Variants in BID observed in about 807,000 individuals in gnomAD.
The protein encoded by BID is BH3 interacting domain death agonist.
BID carries 19 observed loss-of-function variants against 17.4 expected under a neutral mutation model. The observed-to-expected ratio is 1.09, with a 90% confidence interval of 0.76 to 1.60. The LOEUF (loss-of-function observed/expected upper bound fraction) is 1.60. Among genes scored for constraint, BID ranks in the 40% most tolerant of loss-of-function variants. The probability of loss-of-function intolerance (pLI) is 0.00; values close to 1 mark genes in which losing one functional copy is unlikely to be tolerated. For synonymous variants in BID, 108 were observed against 102.8 expected (o/e 1.05, Z -0.31); for missense variants, 226 against 256.0 (o/e 0.88, Z 0.80).
chr22:17,744,289 C>T (rs545703573), intron 2 of BID, among the ~76,000 whole-genome samples: 30 of 152,276 alleles, frequency 2.0e-4, no homozygotes, highest in African/African-American at 7.2e-4. Context: ...TCCTGAAACA[C>T]GCGGCTGGGG....
intron 1 of BID, among the ~76,000 whole-genome samples, chr22:17,751,055 C>T (rs547093222): frequency 2.0e-5 from 3 of 151,480 alleles, no homozygotes; most frequent in Admixed American, 6.6e-5. Flanking sequence ...AAGATCTGTG[C>T]GGCATCAGTA....
At chr22:17,756,476 T>TC (rs1555906134) in intron 1 of BID, among the ~76,000 whole-genome samples, 1 of 103,798 alleles carries the variant, frequency 9.6e-6, no homozygotes, top group South Asian at 2.5e-4. Flanking sequence ...TCTTTCTTTC[T>TC]TTTCTTTCTT....
At chr22:17,755,890 C>T (rs1049208115) in intron 1 of BID, among the ~76,000 whole-genome samples, 10 of 151,964 alleles carry the variant, frequency 6.6e-5, no homozygotes, top group African/African-American at 2.2e-4. Flanking sequence ...TTTTCTGAGA[C>T]GGAGTCTCAC....
In BID at chr22:17,773,576, C is replaced by A; in HGVS notation, c.-59+805G>T. ...CCCTGCCTGCAGGTGAAGGCCGGTCCAGCCGCAGAAGGCCCAGCCCCCAGC... is the reference window on the plus strand; with the variant it reads ...CCCTGCCTGCAGGTGAAGGCCGGTCAAGCCGCAGAAGGCCCAGCCCCCAGC... On this transcript the variant is annotated intron_variant, in intron 1 of 5. Transcript: ENST00000622694. The surrounding 1 kb of genome is among the most constrained non-coding windows in gnomAD (Gnocchi z 4.4). The A allele has an allele frequency of 6.2e-7, 1 of 1,610,472 alleles. No homozygotes were observed.
intron 1 of BID, among the ~76,000 whole-genome samples, chr22:17,771,821 G>A (rs753182640): frequency 3.4e-5 from 5 of 148,426 alleles, no homozygotes; most frequent in Non-Finnish European, 4.4e-5. Flanking sequence ...ACCCCACTGC[G>A]AGGTTTCTGA....
intron 2 of BID, among the ~76,000 whole-genome samples, chr22:17,745,285 G>A (rs372689179): frequency 6.6e-6 from 1 of 152,006 alleles, no homozygotes; most frequent in African/African-American, 2.4e-5. Flanking sequence ...TCCTGACCTC[G>A]TGATCCGCCC....
chr22:17,751,982 G>A (rs960318446), intron 1 of BID, among the ~76,000 whole-genome samples: 4 of 152,198 alleles, frequency 2.6e-5, no homozygotes, highest in African/African-American at 7.2e-5. Flanking sequence ...CCACAGAACA[G>A]TGGACCAGAC....
In BID at chr22:17,769,100, G is replaced by GCTTT. The variant is rs1455702106; in HGVS notation, c.-59+5277_-59+5280dup. Among the ~76,000 whole-genome samples the GCTTT allele has an allele frequency of 6.6e-6, 1 of 152,092 alleles. No individual in the cohort carries two copies. The highest frequency in any genetic ancestry group is 1.5e-5 in the Non-Finnish European group (1 of 68,006). ...AATAACTAAATAAATAAAGAACAAG[G>GCTTT]CTTTCACCACATCCCAGGCAGAGTC... On this transcript the variant is annotated intron_variant, in intron 1 of 5. Coordinates refer to ENST00000622694, the MANE Select transcript of BID (RefSeq NM_001196.4). This position sits in a 1 kb window ranked among gnomAD's most constrained non-coding sequence, Gnocchi z 4.8.
At chr22:17,739,791 G>A (rs181391) in intron 3 of BID, 394,861 of 577,308 alleles carry the variant, frequency 0.68, 137,134 homozygotes, top group East Asian at 0.95. Context: ...TGAGGTACAA[G>A]CCTGGCAGCG....
At chr22:17,757,311 A>C (rs2061598409) in intron 1 of BID, among the ~76,000 whole-genome samples, 1 of 148,924 alleles carries the variant, frequency 6.7e-6, no homozygotes, top group Admixed American at 6.8e-5. Flanking sequence ...GCTACTGGGG[A>C]AGGATTGCTT....
At chr22:17,767,382 C>A (rs1732964861) in intron 1 of BID, among the ~76,000 whole-genome samples, 1 of 152,126 alleles carries the variant, frequency 6.6e-6, no homozygotes, top group Non-Finnish European at 1.5e-5. Flanking sequence ...TACCCAATGA[C>A]TCAAAAAAAG....
In BID at chr22:17,734,788, C is replaced by G. The variant is rs1265149038; in HGVS notation, c.*792G>C. On this transcript the variant is annotated 3_prime_UTR_variant, in exon 6 of 6. Transcript: ENST00000622694. ...GCTTCTGGCACCCGTGGCTTCATGT[C>G]TTTAGCAAAGTCTTGATGTCATGGA... 1 of 152,194 alleles carries G rather than the reference C, an allele frequency of 6.6e-6. No homozygotes were observed. The highest frequency in any genetic ancestry group is 1.9e-4 in the East Asian group (1 of 5,200). The allele number at this position is 152,194 out of a possible 1,614,324, so 9.4% of individuals were successfully genotyped here. A position where few individuals can be genotyped will look rare whatever the true frequency, so the allele number is the denominator to read the frequency against.
intron 5 of BID, among the ~76,000 whole-genome samples, chr22:17,736,773 G>A (rs1311907592): frequency 6.6e-6 from 1 of 151,852 alleles, no homozygotes. Flanking sequence ...CTCCATGACG[G>A]CGTGAACTAC....
chr22:17,766,665 C>A (rs2061681194), intron 1 of BID, among the ~76,000 whole-genome samples: 1 of 151,950 alleles, frequency 6.6e-6, no homozygotes, highest in African/African-American at 2.4e-5. Flanking sequence ...TCTCTGCTCA[C>A]TGCAACCTCC....
At chr22:17,741,551 G>A (rs2145877177) in intron 3 of BID, among the ~76,000 whole-genome samples, 1 of 150,596 alleles carries the variant, frequency 6.6e-6, no homozygotes, top group South Asian at 2.1e-4. Flanking sequence ...TCAGCTCACT[G>A]CAACCTCCGC....
At chr22:17,739,025 C>T (rs1375515860) in intron 4 of BID, among the ~76,000 whole-genome samples, 1 of 152,192 alleles carries the variant, frequency 6.6e-6, no homozygotes, top group Non-Finnish European at 1.5e-5. Flanking sequence ...TTACGGTTCT[C>T]ACTGGCACCA....
At position 17,735,353 on chromosome 22, in the gene BID, C is replaced by T; in HGVS notation, c.*227G>A. On this transcript the variant is annotated 3_prime_UTR_variant, in exon 6 of 6. Transcript: ENST00000622694. ...GATTCATGTGTGGATGATATGAAGG[C>T]CATTCAAATACGTGTAAATGGACAT... The T allele has an allele frequency of 3.5e-6, 2 of 564,418 alleles. No homozygotes were observed. Among genetic ancestry groups the T allele is most frequent in the Non-Finnish European group, 6.3e-6 (2 of 319,082 alleles). 35.0% of individuals were successfully genotyped at this position (564,418 alleles called of 1,614,324 possible).
chr22:17,756,420 CTTTCTTTCTTTCT>C (rs1198098927), intron 1 of BID, among the ~76,000 whole-genome samples: 64,259 of 126,650 alleles, frequency 0.51, 17,426 homozygotes, highest in East Asian at 0.84. Flanking sequence ...CTCTTTCTTT[CTTTCTTTCTTTCT>C]TCTTTCTTTC....
At chr22:17,738,330 T>G in intron 4 of BID, 101 bp from the exon 5 acceptor site, 1 of 1,091,536 alleles carries the variant, frequency 9.2e-7, no homozygotes, top group Non-Finnish European at 1.3e-6. Flanking sequence ...ACTTATTAAG[T>G]ATCCAGGGCT....
Sources: gnomAD v4.1 joint callset for allele counts (sites outside exome capture counted in the v4.1 genomes callset) on GRCh38, gnomAD v4.1.1 for gene constraint, Gnocchi (gnomAD v3.1) non-coding constraint, MANE v1.5 for transcripts, NCBI Gene and HGNC (gene_info 2026-07-23, HGNC 2026-07-21) for gene names.